CUX1: variants seen among roughly 807,000 people sequenced by gnomAD.
CUX1 encodes protein CASP.
Under a neutral mutation model 158.8 loss-of-function variants are expected in CUX1, and 31 were observed. The ratio of observed to expected loss-of-function variants is 0.20; its 90% CI spans 0.15 to 0.26. CUX1 has a LOEUF of 0.26. CUX1 is among the 10% of genes least tolerant of loss of function. The pLI is 1.00. For missense variants in CUX1, 1,589 were observed against 2,014.6 expected, an observed-to-expected ratio of 0.79 and a Z score of 4.04; for synonymous variants, 879 against 862.1, an observed-to-expected ratio of 1.02 and a Z score of -0.34.
At chr7:102,030,691 G>GTTTTTTTTTTTTTTTTTTGTTTTTTGTT (rs71119801) in intron 3 of CUX1, among the ~76,000 whole-genome samples, 1 of 119,386 alleles carries the variant, frequency 8.4e-6, no homozygotes, top group African/African-American at 3.1e-5. Context: ...TTTAAAAAGT[G>GTTTTTTTTTTTTTTTTTTGTTTTTTGTT]TTTTTTTTTT....
At chr7:102,181,517 G>C (rs1793081686) in intron 11 of CUX1, among the ~76,000 whole-genome samples, 1 of 152,056 alleles carries the variant, frequency 6.6e-6, no homozygotes, top group Admixed American at 6.6e-5. Flanking sequence ...TTCAATGTTT[G>C]CCTTCACAAA....
chr7:102,203,958 G>A (rs1213899960), intron 18 of CUX1, among the ~76,000 whole-genome samples: 1 of 152,150 alleles, frequency 6.6e-6, no homozygotes. Flanking sequence ...CACCAGCTTC[G>A]CCAGTCCCAC....
chr7:102,047,523 A>G (rs1822962689), intron 3 of CUX1, among the ~76,000 whole-genome samples: 1 of 127,516 alleles, frequency 7.8e-6, no homozygotes, highest in Admixed American at 8.1e-5. Context: ...AGGGAGGGAG[A>G]GATGGATGGA....
In CUX1 at chr7:102,028,094, C is replaced by T. The variant is rs1236823789; in HGVS notation, c.142-4C>T. ...TGCTTCCTGACCTCCGCCTCCTGCT[C>T]CAGGATTTGCGCAAGCAGGTAGCGC... On this transcript the variant is annotated splice_polypyrimidine_tract_variant and splice_region_variant and intron_variant, in intron 2 of 23. Coordinates refer to ENST00000292535, the MANE Select transcript of CUX1 (RefSeq NM_181552.4). 1.9e-6 allele frequency: 3 copies of T among 1,612,234 alleles called. No homozygotes were observed. The highest frequency in any genetic ancestry group is 3.3e-5 in the Admixed American group (2 of 59,996).
rs1338721000 is a variant in CUX1, at chr7:102,253,072, T to A, written c.*4030T>A. 6.1e-6 allele frequency: 6 copies of A among 985,446 alleles called. No individual in the cohort carries two copies. Among genetic ancestry groups the A allele is most frequent in the Non-Finnish European group, 7.2e-6 (6 of 829,930 alleles). 61.0% of individuals were successfully genotyped at this position (985,446 alleles called of 1,614,324 possible). A position where few individuals can be genotyped will look rare whatever the true frequency, so the allele number is the denominator to read the frequency against. ...CAGTCGACAGCCTCCCTGGGGTAGA[T>A]CCCTTGTACCTCCAAAGTACAAATA... is the stretch of plus-strand genomic sequence containing the variant. On this transcript the variant is annotated 3_prime_UTR_variant, in exon 24 of 24. Transcript: ENST00000292535.
At chr7:102,281,825 C>A (rs1487066372) in intron 20 of CUX1, 16 of 1,596,598 alleles carry the variant, frequency 1.0e-5, no homozygotes, top group East Asian at 2.2e-5. Flanking sequence ...CCACTCACCC[C>A]CTCCTTGCTC....
chr7:101,902,561 C>T lies in CUX1; in HGVS notation c.31-13554C>T, dbSNP rs1802269892. Among the ~76,000 whole-genome samples, 3 of 152,148 alleles carry T rather than the reference C, an allele frequency of 2.0e-5. No homozygotes were observed. In the South Asian group the frequency reaches 6.2e-4, roughly 32 times the overall value. On this transcript the variant is annotated intron_variant, in intron 1 of 23. Transcript: ENST00000292535. ...TTGGATAGTGCAGTTCCCATTCATC[C>T]CTCTCATTTCATTAGTTGGTCCCTG...
At chr7:102,017,697 A>G (rs933003410) in intron 2 of CUX1, among the ~76,000 whole-genome samples, 93 of 152,084 alleles carry the variant, frequency 6.1e-4, no homozygotes, top group Non-Finnish European at 8.4e-4. Context: ...AAATACAAAA[A>G]TTAGCCAGGT....
chr7:101,912,054 T>A (rs1195852028), intron 1 of CUX1, among the ~76,000 whole-genome samples: 1 of 152,212 alleles, frequency 6.6e-6, no homozygotes, highest in Non-Finnish European at 1.5e-5. Context: ...TCCCATGACC[T>A]GGGACCTGGG....
At chr7:102,091,822 C>G (rs1249435824) in intron 4 of CUX1, among the ~76,000 whole-genome samples, 3 of 152,032 alleles carry the variant, frequency 2.0e-5, no homozygotes, top group African/African-American at 7.2e-5. Context: ...GTGGTGTGAC[C>G]TCGGCTCACT....
downstream of CUX1, among the ~76,000 whole-genome samples, chr7:102,262,103 C>T (rs1429780581): frequency 2.6e-5 from 4 of 152,122 alleles, no homozygotes; most frequent in Non-Finnish European, 5.9e-5. Flanking sequence ...CAGAGTGAGA[C>T]CCTGTCTCCA....
chr7:101,822,327 A>C (rs1038857377), intron 1 of CUX1: 1 of 152,184 alleles, frequency 6.6e-6, no homozygotes, highest in Admixed American at 6.5e-5. Flanking sequence ...GAGGACAGCT[A>C]AGGTTTGGTA....
chr7:102,064,335 C>G (rs1407264768), intron 3 of CUX1, among the ~76,000 whole-genome samples: 4 of 152,184 alleles, frequency 2.6e-5, no homozygotes, highest in African/African-American at 9.7e-5. Flanking sequence ...CAGGCATGAG[C>G]AACGGTGCCG....
intron 2 of CUX1, among the ~76,000 whole-genome samples, chr7:101,998,180 C>T (rs1274772569): frequency 6.6e-6 from 1 of 152,064 alleles, no homozygotes; most frequent in Admixed American, 6.5e-5. Flanking sequence ...GCCCGGGCTG[C>T]AGGCTCCCAT....
chr7:101,829,952 G>T (rs1422404094), intron 1 of CUX1, among the ~76,000 whole-genome samples: 1 of 152,226 alleles, frequency 6.6e-6, no homozygotes, highest in Non-Finnish European at 1.5e-5. Flanking sequence ...TTGGGGAACT[G>T]TTAGGAGAGA....
At chr7:102,203,070 G>A (rs1225587263) in intron 18 of CUX1, among the ~76,000 whole-genome samples, 3 of 152,104 alleles carry the variant, frequency 2.0e-5, no homozygotes, top group East Asian at 1.9e-4. Flanking sequence ...GGGTTCAAGC[G>A]ATTCTCCTGC....
chr7:101,837,926 AAAAC>A (rs1794810355), intron 1 of CUX1, among the ~76,000 whole-genome samples: 1 of 151,922 alleles, frequency 6.6e-6, no homozygotes, highest in Admixed American at 6.6e-5. Context: ...ACGTGCAAGA[AAAAC>A]AAAATCCTTG....
Position 102,204,610 on chromosome 7 carries a change from G to C in CUX1, c.3073+54G>C, listed in dbSNP as rs955244180. The C allele has an allele frequency of 1.4e-5, 23 of 1,591,520 alleles. No individual in the cohort carries two copies. The Admixed American group carries it at 3.7e-4, about 26-fold the overall frequency. On this transcript the variant is annotated intron_variant, in intron 19 of 23. Coordinates refer to ENST00000292535, the MANE Select transcript of CUX1 (RefSeq NM_181552.4). Reference sequence around the variant, plus strand: ...GCTGCCCCCCCATAGCAAGGACCTGGTCACAGCAGCCCCACCTGGGCTATG... The same window carrying C: ...GCTGCCCCCCCATAGCAAGGACCTGCTCACAGCAGCCCCACCTGGGCTATG...
rs574497973 is a variant in CUX1 at position 102,130,138 on chromosome 7, A to G, written c.674+14865A>G. Reference sequence around the variant, plus strand: ...CCAGAAAGACAGTGGGGTGTCTCATATTTCCTCGCCACCTCTCCTTTCAGC... The same window carrying G: ...CCAGAAAGACAGTGGGGTGTCTCATGTTTCCTCGCCACCTCTCCTTTCAGC... On this transcript the variant is annotated intron_variant, in intron 8 of 23. Transcript: ENST00000292535. Among the ~76,000 whole-genome samples, 36 of 152,128 alleles carry G rather than the reference A, an allele frequency of 2.4e-4. No individual in the cohort carries two copies. In the South Asian group the frequency reaches 7.3e-3, roughly 31 times the overall value.
Sources: allele counts gnomAD v4.1 joint callset (sites outside exome capture counted in the v4.1 genomes callset), GRCh38; gene constraint gnomAD v4.1.1; transcripts MANE v1.5; gene names NCBI Gene and HGNC (gene_info 2026-07-23, HGNC 2026-07-21).